Variants in PARD3B observed in about 807,000 individuals in gnomAD.
The protein encoded by PARD3B is par-3 family cell polarity regulator beta.
Under a neutral mutation model 130.2 loss-of-function variants are expected in PARD3B, and 103 were observed. The observed-to-expected ratio is 0.79, with a 90% CI of 0.67 to 0.93. The LOEUF (loss-of-function observed/expected upper bound fraction) is 0.93, where lower values mean the gene tolerates loss of function less well. PARD3B is among the 40% of genes least tolerant of loss of function. The pLI, the probability that PARD3B is intolerant of heterozygous loss-of-function variation, is 0.00. For missense variants in PARD3B, 1,609 were observed against 1,499.2 expected, an observed-to-expected ratio of 1.07 and a Z score of -1.21; for synonymous variants, 583 against 553.2, an observed-to-expected ratio of 1.05 and a Z score of -0.76.
chr2:204,608,262 C>T (rs1300946111), intron 1 of PARD3B, among the ~76,000 whole-genome samples: 1 of 152,204 alleles, frequency 6.6e-6, no homozygotes, highest in African/African-American at 2.4e-5. Context: ...GGAAAGTTTA[C>T]AGCAAAGCAC....
chr2:204,592,669 A>G (rs1004239160), intron 1 of PARD3B, among the ~76,000 whole-genome samples: 8 of 152,236 alleles, frequency 5.3e-5, no homozygotes, highest in African/African-American at 9.6e-5. Context: ...GCAGAAATCA[A>G]TGACTTTTAT....
intron 10 of PARD3B, among the ~76,000 whole-genome samples, chr2:205,151,507 C>G (rs2033755125): frequency 6.6e-6 from 1 of 152,172 alleles, no homozygotes; most frequent in Non-Finnish European, 1.5e-5. Context: ...ATCCCTTTAC[C>G]ATTATGTAAT....
chr2:205,424,271 G>T (rs545200723), intron 19 of PARD3B, among the ~76,000 whole-genome samples: 2 of 152,182 alleles, frequency 1.3e-5, no homozygotes, highest in South Asian at 4.1e-4. Context: ...GAAACCTCAG[G>T]TATGAAGGGT....
At chr2:204,864,890 C>G (rs1381653540) in intron 2 of PARD3B, among the ~76,000 whole-genome samples, 1 of 152,110 alleles carries the variant, frequency 6.6e-6, no homozygotes, top group Non-Finnish European at 1.5e-5. Context: ...AAAAGTACCA[C>G]AAGACATCAT....
intron 4 of PARD3B, among the ~76,000 whole-genome samples, chr2:205,057,563 A>ATATATG (rs1177327849): frequency 1.4e-5 from 2 of 144,334 alleles, no homozygotes. Flanking sequence ...GTATATATAC[A>ATATATG]TATATGTATA....
intron 21 of PARD3B, among the ~76,000 whole-genome samples, chr2:205,514,209 T>G (rs1452697356): frequency 6.6e-6 from 1 of 152,136 alleles, no homozygotes; most frequent in East Asian, 1.9e-4. Context: ...TACCATCAAT[T>G]AGTTGGTCAC....
In PARD3B at chr2:205,325,449, T is replaced by G. The variant is rs2042905967; in HGVS notation, c.2630+23748T>G. 6.6e-6 allele frequency among the ~76,000 whole-genome samples: 1 copy of G among 152,114 alleles called. No individual in the cohort carries two copies. Among genetic ancestry groups the G allele is most frequent in the Admixed American group, 6.6e-5 (1 of 15,258 alleles). On this transcript the variant is annotated intron_variant, in intron 18 of 22. Coordinates refer to ENST00000406610, the MANE Select transcript of PARD3B (RefSeq NM_001302769.2). The surrounding 1 kb of genome is among the most constrained non-coding windows in gnomAD (Gnocchi z 4.1). Reference sequence around the variant, plus strand: ...TTAAATGCTGGGTTCAAGGGTTCTTTGGAAGCCTTGCTGACAACAATTCTC... The same window carrying G: ...TTAAATGCTGGGTTCAAGGGTTCTTGGGAAGCCTTGCTGACAACAATTCTC...
At chr2:204,910,924 G>A (rs1443177670) in intron 2 of PARD3B, among the ~76,000 whole-genome samples, 2 of 152,198 alleles carry the variant, frequency 1.3e-5, no homozygotes, top group Non-Finnish European at 2.9e-5. Context: ...TTACAGGCAT[G>A]AGACACCGCG....
intron 2 of PARD3B, among the ~76,000 whole-genome samples, chr2:204,712,980 A>G (rs1033212158): frequency 3.3e-5 from 5 of 152,090 alleles, no homozygotes; most frequent in South Asian, 2.1e-4. Context: ...TTTTCAGTCA[A>G]TTTATTTTTG....
chr2:204,555,088 G>C (rs532796097), intron 1 of PARD3B, among the ~76,000 whole-genome samples: 16 of 152,288 alleles, frequency 1.1e-4, no homozygotes, highest in African/African-American at 3.9e-4. Context: ...TCACTAATGA[G>C]TGTTCCTGGT....
chr2:205,364,054 GC>G (rs1243221438), intron 18 of PARD3B, among the ~76,000 whole-genome samples: 1 of 151,998 alleles, frequency 6.6e-6, no homozygotes, highest in Non-Finnish European at 1.5e-5. Context: ...GATTGACCCA[GC>G]GACTGCATCT....
intron 21 of PARD3B, among the ~76,000 whole-genome samples, chr2:205,526,608 GA>G (rs1359362494): frequency 4.6e-5 from 7 of 152,136 alleles, no homozygotes; most frequent in African/African-American, 1.4e-4. Context: ...TTTTGACTTG[GA>G]AACAACAAGG....
intron 4 of PARD3B, among the ~76,000 whole-genome samples, chr2:205,100,875 C>T (rs1345319470): frequency 1.3e-5 from 2 of 152,064 alleles, no homozygotes; most frequent in East Asian, 3.9e-4. Flanking sequence ...AGAGCTAACA[C>T]CGTATAAGAT....
chr2:205,557,129 G>A (rs2106509372), intron 22 of PARD3B, among the ~76,000 whole-genome samples: 1 of 152,306 alleles, frequency 6.6e-6, no homozygotes, highest in African/African-American at 2.4e-5. Context: ...GTCCTAGGGA[G>A]TGAGCAAAAG....
chr2:204,778,686 G>A (rs755060567), intron 2 of PARD3B, among the ~76,000 whole-genome samples: 18 of 152,064 alleles, frequency 1.2e-4, no homozygotes, highest in Admixed American at 2.6e-4. Flanking sequence ...GTTGATGGTC[G>A]TTATAAAATA....
rs1341838039 is a variant in PARD3B, at chr2:205,160,103, G to A, written c.1620+1196G>A. ...CCACTTTTGTTTCAGACTAGATGTGGAGATAATGCCTTTTTCACTGGGAAA... is the reference window on the plus strand; with the variant it reads ...CCACTTTTGTTTCAGACTAGATGTGAAGATAATGCCTTTTTCACTGGGAAA... On this transcript the variant is annotated intron_variant, in intron 11 of 22. Coordinates refer to ENST00000406610, the MANE Select transcript of PARD3B (RefSeq NM_001302769.2). This position sits in a 1 kb window ranked among gnomAD's most constrained non-coding sequence, Gnocchi z 4.0. 6.6e-6 allele frequency among the ~76,000 whole-genome samples: 1 copy of A among 152,208 alleles called. No individual in the cohort carries two copies. The highest frequency in any genetic ancestry group is 1.5e-5 in the Non-Finnish European group (1 of 68,042).
intron 15 of PARD3B, among the ~76,000 whole-genome samples, chr2:205,210,546 A>G (rs918024320): frequency 6.6e-6 from 1 of 152,140 alleles, no homozygotes; most frequent in Non-Finnish European, 1.5e-5. Context: ...GCCTGCTAGT[A>G]CATCAACCTT....
intron 15 of PARD3B, among the ~76,000 whole-genome samples, chr2:205,237,451 A>G (rs1464146428): frequency 1.3e-5 from 2 of 152,162 alleles, no homozygotes; most frequent in African/African-American, 4.8e-5. Flanking sequence ...AATATTTAGT[A>G]AAAGCAATTT....
rs1316919196 is a variant in PARD3B at position 204,673,595 on chromosome 2, T to A, written c.121-12586T>A. On this transcript the variant is annotated intron_variant, in intron 1 of 22. Transcript: ENST00000406610. The surrounding 1 kb of genome is among the most constrained non-coding windows in gnomAD (Gnocchi z 4.7). ...AGAAGACCTGGCTCCCCACCTCCAG[T>A]CTGCCACTGACTTGCCTCAAGTCTG... Among the ~76,000 whole-genome samples, 2 of 152,220 alleles carry A rather than the reference T, an allele frequency of 1.3e-5. No homozygotes were observed. The highest frequency in any genetic ancestry group is 2.9e-5 in the Non-Finnish European group (2 of 68,030).
Sources: allele counts gnomAD v4.1 joint callset (sites outside exome capture counted in the v4.1 genomes callset), GRCh38; gene constraint gnomAD v4.1.1; non-coding constraint Gnocchi (gnomAD v3.1); transcripts MANE v1.5; gene names NCBI Gene and HGNC (gene_info 2026-07-23, HGNC 2026-07-21).